Variants in PIK3C2G observed in about 807,000 individuals in gnomAD.
PIK3C2G encodes the protein phosphatidylinositol-4-phosphate 3-kinase catalytic subunit type 2 gamma.
Under a neutral mutation model 181.1 loss-of-function variants are expected in PIK3C2G, and 168 were observed. The observed-to-expected ratio is 0.93, with a 90% CI of 0.82 to 1.05. The LOEUF is 1.05. Ranked by LOEUF, PIK3C2G falls within the 50% of genes least tolerant of loss-of-function variation. PIK3C2G has a pLI of 0.00. For synonymous variants in PIK3C2G, 573 were observed against 592.2 expected (o/e 0.97, Z 0.47); for missense variants, 1,869 against 1,732.8 (o/e 1.08, Z -1.40).
intron 14 of PIK3C2G, among the ~76,000 whole-genome samples, chr12:18,387,325 C>T (rs1943238107): frequency 6.6e-6 from 1 of 152,164 alleles, no homozygotes; most frequent in Admixed American, 6.5e-5. Flanking sequence ...CCTGCTTAGA[C>T]TCTTCAATAA....
At chr12:18,548,770 C>G (rs1432434168) in intron 26 of PIK3C2G, among the ~76,000 whole-genome samples, 1 of 151,986 alleles carries the variant, frequency 6.6e-6, no homozygotes, top group African/African-American at 2.4e-5. Context: ...CCTTAAAAGG[C>G]ATCAAATTAT....
intron 18 of PIK3C2G, among the ~76,000 whole-genome samples, chr12:18,485,060 T>G (rs541735929): frequency 9.6e-4 from 146 of 152,292 alleles, no homozygotes; most frequent in Non-Finnish European, 1.9e-3. Context: ...TGGATGTTGT[T>G]TCCTCTCTTG....
the PIK3C2G span, chr12:18,693,833 T>G: frequency 2.0e-6 from 3 of 1,529,760 alleles, no homozygotes; most frequent in East Asian, 4.5e-5. Context: ...GAAGATTGAG[T>G]TCCCCCTGCC....
chr12:18,484,552 T>C (rs1319497125), intron 18 of PIK3C2G, among the ~76,000 whole-genome samples: 1 of 152,204 alleles, frequency 6.6e-6, no homozygotes, highest in Non-Finnish European at 1.5e-5. Flanking sequence ...GAATTTGCAT[T>C]ATCTGCAGAC....
At chr12:18,601,663 A>G (rs541374913) in intron 30 of PIK3C2G, among the ~76,000 whole-genome samples, 1 of 152,154 alleles carries the variant, frequency 6.6e-6, no homozygotes, top group South Asian at 2.1e-4. Flanking sequence ...CTTCTAGTCT[A>G]TGGGCATGGA....
intron 25 of PIK3C2G, among the ~76,000 whole-genome samples, chr12:18,543,433 G>A (rs956190749): frequency 8.6e-5 from 13 of 151,952 alleles, no homozygotes; most frequent in Non-Finnish European, 1.9e-4. Flanking sequence ...CATTGCGATT[G>A]CTTTTGGTGT....
chr12:18,688,743 G>T, the PIK3C2G span, among the ~76,000 whole-genome samples: 11,594 of 151,922 alleles, frequency 0.076, 554 homozygotes, highest in African/African-American at 0.13. Context: ...ATTTAAACTT[G>T]TATTTGCCAA....
upstream of PIK3C2G, among the ~76,000 whole-genome samples, chr12:18,260,945 T>C (rs1948215735): frequency 4.6e-5 from 7 of 152,282 alleles, no homozygotes; most frequent in South Asian, 1.4e-3. Flanking sequence ...TTTATTTTGC[T>C]GTTCCTTTTC....
At chr12:18,317,338 T>G (rs913623712) in intron 6 of PIK3C2G, among the ~76,000 whole-genome samples, 4 of 152,096 alleles carry the variant, frequency 2.6e-5, no homozygotes, top group Non-Finnish European at 5.9e-5. Flanking sequence ...AGGATTTTTT[T>G]TTTCGCATTA....
upstream of PIK3C2G, among the ~76,000 whole-genome samples, chr12:18,259,445 G>A (rs79322338): frequency 0.02 from 3,082 of 152,044 alleles, 104 homozygotes; most frequent in African/African-American, 0.071. Flanking sequence ...CCCAGGTTTC[G>A]AGCAAGACTA....
chr12:18,372,980 C>T (rs1186798115), intron 13 of PIK3C2G, among the ~76,000 whole-genome samples: 1 of 152,156 alleles, frequency 6.6e-6, no homozygotes, highest in Non-Finnish European at 1.5e-5. Flanking sequence ...ACACAACTCA[C>T]TTCAACAATT....
At chr12:18,456,553 G>A (rs1432489561) in intron 18 of PIK3C2G, among the ~76,000 whole-genome samples, 1 of 152,096 alleles carries the variant, frequency 6.6e-6, no homozygotes, top group Non-Finnish European at 1.5e-5. Flanking sequence ...GAAGCTAGCC[G>A]CCCCAACCTA....
chr12:18,343,854 C>A (rs1939387879), intron 10 of PIK3C2G, among the ~76,000 whole-genome samples: 1 of 151,918 alleles, frequency 6.6e-6, no homozygotes, highest in Admixed American at 6.6e-5. Context: ...ACAGAGGCTT[C>A]GAGTCTATAA....
At chr12:18,346,931 T>A (rs1234990713) in intron 11 of PIK3C2G, 95 bp downstream of exon 11, 2 of 701,760 alleles carry the variant, frequency 2.8e-6, no homozygotes. Flanking sequence ...GGAGCAAAGA[T>A]TTCATAAAAT....
At chr12:18,495,922 TA>T in intron 20 of PIK3C2G, 139 bp from the exon 21 acceptor site, 1 of 503,632 alleles carries the variant, frequency 2.0e-6, no homozygotes, top group East Asian at 3.4e-5. Context: ...TTCCAAAGTA[TA>T]AAAATTATTC....
rs751449199 is a variant in PIK3C2G, at chr12:18,314,001, T to G, written c.1074T>G (p.Asp358Glu). Residue 358 changes from aspartate to glutamate, a missense_variant, in exon 6 of 33, where the codon GAT becomes GAG. Transcript: ENST00000538779. The part of the protein sequence containing the change: ...CLGSHKMFQK[D>E]KSVIQLHLQK... ...GGAGCCACAAAATGTTTCAAAAAGA[T>G]AAATCTGTTATTCAGCTCCACCTGC... The G allele has an allele frequency of 6.3e-7, 1 of 1,592,042 alleles. No individual in the cohort carries two copies. Among genetic ancestry groups the G allele is most frequent in the South Asian group, 1.1e-5 (1 of 87,006 alleles).
intron 10 of PIK3C2G, among the ~76,000 whole-genome samples, chr12:18,343,896 TA>T (rs1455936415): frequency 1.3e-5 from 2 of 151,762 alleles, no homozygotes; most frequent in African/African-American, 4.9e-5. Context: ...TTTGCCTCTA[TA>T]GAAAACAGTA....
At chr12:18,281,267 G>GAA (rs1412538903) in intron 1 of PIK3C2G, among the ~76,000 whole-genome samples, 1 of 48,742 alleles carries the variant, frequency 2.1e-5, no homozygotes, top group African/African-American at 9.4e-5. Context: ...TGCATAATAG[G>GAA]CAAAAAAAAA....
chr12:18,475,753 CATGTAT>C (rs1282652214), intron 18 of PIK3C2G, among the ~76,000 whole-genome samples: 5 of 151,926 alleles, frequency 3.3e-5, no homozygotes, highest in African/African-American at 9.7e-5. Context: ...TAAGTATATG[CATGTAT>C]ATGTATAATA....
Sources: allele counts gnomAD v4.1 joint callset (sites outside exome capture counted in the v4.1 genomes callset), GRCh38; gene constraint gnomAD v4.1.1; transcripts MANE v1.5; gene names NCBI Gene and HGNC (gene_info 2026-07-23, HGNC 2026-07-21).